The following PECR variants were observed in gnomAD, a reference collection of about 807,000 sequenced individuals.
The protein encoded by PECR is 2,4-dienoyl-CoA reductase-related protein.
PECR carries 30 observed loss-of-function variants against 35.3 expected under a neutral mutation model. That is an observed-to-expected ratio of 0.85 (90% CI 0.64 to 1.15). PECR has a LOEUF of 1.15. PECR is among the 50% of genes most tolerant of loss of function. The probability of loss-of-function intolerance (pLI) is 0.00; values close to 1 mark genes in which losing one functional copy is unlikely to be tolerated. For synonymous variants in PECR, 148 were observed against 138.9 expected, an observed-to-expected ratio of 1.07 and a Z score of -0.46; for missense variants, 392 against 370.8, an observed-to-expected ratio of 1.06 and a Z score of -0.47.
At chr2:216,055,262 A>AC (rs1189238853) in intron 4 of PECR, among the ~76,000 whole-genome samples, 1 of 151,088 alleles carries the variant, frequency 6.6e-6, no homozygotes, top group Non-Finnish European at 1.5e-5. Context: ...ACACAGAGAA[A>AC]CCCCGTCTCT....
intron 1 of PECR, among the ~76,000 whole-genome samples, chr2:216,081,222 C>T (rs551316859): frequency 6.6e-6 from 1 of 151,944 alleles, no homozygotes; most frequent in East Asian, 1.9e-4. Flanking sequence ...TGAGAAGATA[C>T]TATGAGAGAC....
At chr2:216,071,205 C>T (rs1233499290) in intron 1 of PECR, among the ~76,000 whole-genome samples, 1 of 152,176 alleles carries the variant, frequency 6.6e-6, no homozygotes, top group Non-Finnish European at 1.5e-5. Context: ...AAAACGCAAG[C>T]GTACCCTTAT....
In PECR at chr2:216,081,758, C is replaced by G; in HGVS notation, c.-17G>C. ...GGAGGCCATCCCTGCAGCGGGGTGC[C>G]AGAGCAGCTGAGCGCAGGCCCTTCT... On this transcript the variant is annotated 5_prime_UTR_variant, in exon 1 of 8. Coordinates refer to ENST00000265322, the MANE Select transcript of PECR (RefSeq NM_018441.6). 1.2e-6 allele frequency: 2 copies of G among 1,612,068 alleles called. No individual in the cohort carries two copies. The highest frequency in any genetic ancestry group is 1.7e-6 in the Non-Finnish European group (2 of 1,179,734).
In PECR at chr2:216,066,411, G is replaced by A. The variant is rs563994051; in HGVS notation, c.232C>T (p.Gln78Ter). 1.2e-6 allele frequency: 2 copies of A among 1,613,184 alleles called. No homozygotes were observed. The highest frequency in any genetic ancestry group is 2.2e-5 in the South Asian group (2 of 91,066). The part of the protein sequence containing the change: ...PTKQARVIPI[Q>*]CNIRNEEEVN... Reference sequence around the variant, plus strand: ...TCCTCCTCATTCCGGATGTTGCATTGTATGGGAATGACTCGTGCCTGCTTT... The same window carrying A: ...TCCTCCTCATTCCGGATGTTGCATTATATGGGAATGACTCGTGCCTGCTTT... The change falls in exon 2 of 8, where the codon CAA (glutamine) becomes TAA (stop). Residue 78 changes from glutamine (Q) to a stop codon, truncating the protein, a stop_gained. Coordinates refer to ENST00000265322, the MANE Select transcript of PECR (RefSeq NM_018441.6). LOFTEE classifies it high-confidence loss of function.
intron 4 of PECR, among the ~76,000 whole-genome samples, chr2:216,051,965 T>A (rs979108305): frequency 6.6e-6 from 1 of 152,220 alleles, no homozygotes; most frequent in Admixed American, 6.5e-5. Context: ...GGCGGGCGGA[T>A]CACCTGAGGT....
At position 216,081,633 on chromosome 2, in the gene PECR, C is replaced by A. The variant is rs1213374570; in HGVS notation, c.109G>T (p.Glu37Ter). Residue 37 changes from glutamate (E) to a stop codon, truncating the protein, a stop_gained, in exon 1 of 8, where the codon GAG becomes TAG. Transcript: ENST00000265322. LOFTEE classifies it high-confidence loss of function. The part of the protein sequence containing the change: ...ATGIGKAIVK[E>*]LLELGSNVVI... Reference sequence around the variant, plus strand: ...GCTCACGTACCCAGCTCCAGGAGCTCCTTCACGATGGCTTTTCCGATGCCC... The same window carrying A: ...GCTCACGTACCCAGCTCCAGGAGCTACTTCACGATGGCTTTTCCGATGCCC... 1 of 1,613,756 alleles carries A rather than the reference C, an allele frequency of 6.2e-7. No individual in the cohort carries two copies.
At chr2:216,052,173 G>A (rs1379901151) in intron 4 of PECR, among the ~76,000 whole-genome samples, 1 of 152,176 alleles carries the variant, frequency 6.6e-6, no homozygotes, top group Non-Finnish European at 1.5e-5. Context: ...GCAACAGAAT[G>A]AGACTCCATC....
At chr2:216,073,212 TG>T (rs1249249911) in intron 1 of PECR, among the ~76,000 whole-genome samples, 1 of 152,250 alleles carries the variant, frequency 6.6e-6, no homozygotes, top group African/African-American at 2.4e-5. Flanking sequence ...TTTCTCCTTT[TG>T]TTTCCAGGAG....
At chr2:216,033,078 G>A (rs1317208317) in intron 7 of PECR, 3 of 151,936 alleles carry the variant, frequency 2.0e-5, no homozygotes, top group Non-Finnish European at 4.4e-5. Flanking sequence ...TTTTAGTTGG[G>A]GAACTTCTAA....
chr2:216,077,381 C>G (rs1695729901), intron 1 of PECR, among the ~76,000 whole-genome samples: 1 of 152,042 alleles, frequency 6.6e-6, no homozygotes, highest in Non-Finnish European at 1.5e-5. Context: ...GTGGTGGGTG[C>G]CTGTAGTCCC....
At chr2:216,067,993 C>T (rs149145140) in intron 1 of PECR, among the ~76,000 whole-genome samples, 2,368 of 151,870 alleles carry the variant, frequency 0.016, 72 homozygotes, top group African/African-American at 0.054. Context: ...CTTTGGGAGG[C>T]TGAGGCGGGC....
rs1695114873 is a variant in PECR, at chr2:216,051,500, AG to A, written c.551del (p.Ser184PhefsTer2). ...ARAGVYNLTK[S>X]LALEWACSGI... ...CACTGCAGGCCCATTCCAAAGCTAA[AG>A]ATTTGGTGAGGTTGTAAACACCTGC... On this transcript the variant is annotated frameshift_variant, in exon 5 of 8. Transcript: ENST00000265322. LOFTEE classifies it high-confidence loss of function. The A allele has an allele frequency of 6.2e-7, 1 of 1,613,480 alleles. No homozygotes were observed.
intron 3 of PECR, among the ~76,000 whole-genome samples, chr2:216,060,608 G>T (rs75904823): frequency 6.6e-6 from 1 of 152,196 alleles, no homozygotes; most frequent in South Asian, 2.1e-4. Flanking sequence ...GGTTGCAGTG[G>T]GCTATGCAGC....
At chr2:216,073,157 T>C (rs1334178423) in intron 1 of PECR, among the ~76,000 whole-genome samples, 2 of 152,192 alleles carry the variant, frequency 1.3e-5, no homozygotes, top group Non-Finnish European at 2.9e-5. Context: ...AAATATATAA[T>C]GTGCAACAAA....
intron 3 of PECR, among the ~76,000 whole-genome samples, chr2:216,060,705 A>G (rs922789971): frequency 3.9e-5 from 6 of 152,134 alleles, no homozygotes; most frequent in Non-Finnish European, 5.9e-5. Flanking sequence ...AATAATTATT[A>G]TTACCTACTA....
intron 1 of PECR, among the ~76,000 whole-genome samples, chr2:216,069,586 G>A (rs1034524103): frequency 2.0e-5 from 3 of 152,102 alleles, no homozygotes; most frequent in African/African-American, 7.2e-5. Context: ...AAGTGCCTGT[G>A]ACAAAGAAGA....
At chr2:216,031,678 AG>A in intron 7 of PECR, among the ~76,000 whole-genome samples, 1 of 46,850 alleles carries the variant, frequency 2.1e-5, no homozygotes, top group Non-Finnish European at 4.0e-5. Flanking sequence ...AAAGAAAGAA[AG>A]AAAGAAAGAA....
chr2:216,043,177 G>A lies in PECR; in HGVS notation c.826+727C>T, dbSNP rs181770758. 2.0e-4 allele frequency among the ~76,000 whole-genome samples: 30 copies of A among 149,956 alleles called. No homozygotes were observed. The East Asian group carries it at 4.7e-3, about 24-fold the overall frequency. On this transcript the variant is annotated intron_variant, in intron 7 of 7. Transcript: ENST00000265322. ...GGCTAGAGTGCAGTGGCACAATCTC[G>A]GCTCACTGCAACCTCCGCCTCCCGG...
chr2:216,081,577 C>A, intron 1 of PECR, 41 bp downstream of exon 1: 1 of 1,612,600 alleles, frequency 6.2e-7, no homozygotes, highest in Admixed American at 1.7e-5. Context: ...TACCCCAGGT[C>A]ACCACAGCCA....
Sources: gnomAD v4.1 joint callset for allele counts (sites outside exome capture counted in the v4.1 genomes callset) on GRCh38, gnomAD v4.1.1 for gene constraint, MANE v1.5 for transcripts, NCBI Gene and HGNC (gene_info 2026-07-23, HGNC 2026-07-21) for gene names.